The following SLC13A1 variants were observed in gnomAD, a reference collection of about 807,000 sequenced individuals.
SLC13A1 encodes the protein solute carrier family 13 member 1.
A neutral mutation model predicts 70.0 loss-of-function variants in SLC13A1; 65 were observed. The observed-to-expected ratio is 0.93, with a 90% CI of 0.76 to 1.14. The LOEUF is 1.14. SLC13A1 is among the 50% of genes most tolerant of loss of function. The probability of loss-of-function intolerance (pLI) is 0.00; values close to 1 mark genes in which losing one functional copy is unlikely to be tolerated. For synonymous variants in SLC13A1, 275 were observed against 250.5 expected (o/e 1.10, Z -0.92); for missense variants, 726 against 717.8 (o/e 1.01, Z -0.13).
chr7:123,182,757 C>A (rs929508675), intron 1 of SLC13A1, among the ~76,000 whole-genome samples: 3 of 152,084 alleles, frequency 2.0e-5, no homozygotes, highest in Admixed American at 6.6e-5. Flanking sequence ...GATGGCACAA[C>A]TTTGGTGACA....
intron 7 of SLC13A1, among the ~76,000 whole-genome samples, chr7:123,136,452 T>G (rs1793951259): frequency 6.6e-6 from 1 of 152,182 alleles, no homozygotes; most frequent in Non-Finnish European, 1.5e-5. Flanking sequence ...CATTTTCTTT[T>G]GCTGTGATGT....
intron 11 of SLC13A1, among the ~76,000 whole-genome samples, chr7:123,124,936 C>T (rs957001115): frequency 1.3e-5 from 2 of 151,980 alleles, no homozygotes; most frequent in African/African-American, 4.8e-5. Flanking sequence ...TTGGCCACCA[C>T]ACCTGGCTAA....
intron 4 of SLC13A1, 131 bp from the exon 5 acceptor site, chr7:123,168,692 A>G: frequency 1.6e-6 from 1 of 640,840 alleles, no homozygotes. Flanking sequence ...CTAACATAAC[A>G]GTCATCTTAT....
At chr7:123,142,431 C>T (rs980394416) in intron 7 of SLC13A1, among the ~76,000 whole-genome samples, 1 of 152,170 alleles carries the variant, frequency 6.6e-6, no homozygotes, top group African/African-American at 2.4e-5. Flanking sequence ...TGGTGCTCTA[C>T]ACCGCTGTGG....
rs146254276 is a variant in SLC13A1, at chr7:123,184,528, C to T, written c.100-3427G>A. ...ATGCTATTTGTCTTCCTGTCCCTGG[C>T]TTATTTCATTTAACATATATCCTTC... On this transcript the variant is annotated intron_variant, in intron 1 of 14. Coordinates refer to ENST00000194130, the MANE Select transcript of SLC13A1 (RefSeq NM_022444.4). Among the ~76,000 whole-genome samples, 139 of 152,146 alleles carry T rather than the reference C, an allele frequency of 9.1e-4. 2 individuals carry two copies. The East Asian group carries it at 0.019, about 21-fold the overall frequency.
intron 7 of SLC13A1, among the ~76,000 whole-genome samples, chr7:123,137,727 A>G (rs1357046312): frequency 1.6e-4 from 25 of 152,122 alleles, no homozygotes; most frequent in Admixed American, 1.6e-3. Flanking sequence ...CTGAGCAGGA[A>G]CCCAGCTAAC....
intron 6 of SLC13A1, among the ~76,000 whole-genome samples, chr7:123,163,204 C>A (rs936113728): frequency 4.6e-5 from 7 of 152,084 alleles, no homozygotes; most frequent in African/African-American, 1.7e-4. Flanking sequence ...TGGAACCTGA[C>A]AAATATATTT....
At chr7:123,189,256 C>T (rs1340153784) in intron 1 of SLC13A1, among the ~76,000 whole-genome samples, 1 of 150,950 alleles carries the variant, frequency 6.6e-6, no homozygotes, top group Admixed American at 6.6e-5. Context: ...AATGAATAGC[C>T]AAAGTGCCAT....
chr7:123,195,834 T>A (rs1796160289), intron 1 of SLC13A1, among the ~76,000 whole-genome samples: 1 of 152,036 alleles, frequency 6.6e-6, no homozygotes, highest in Non-Finnish European at 1.5e-5. Context: ...TGTTTCCTTG[T>A]CTCCTGATCT....
At chr7:123,134,146 G>A (rs537470802) in intron 8 of SLC13A1, among the ~76,000 whole-genome samples, 2 of 152,034 alleles carry the variant, frequency 1.3e-5, no homozygotes, top group East Asian at 3.9e-4. Flanking sequence ...TCCCACCTTG[G>A]CCTTTCAAAG....
intron 7 of SLC13A1, among the ~76,000 whole-genome samples, chr7:123,145,413 T>C (rs747098375): frequency 3.3e-5 from 5 of 152,320 alleles, no homozygotes; most frequent in South Asian, 2.1e-4. Flanking sequence ...CTGTATCAAC[T>C]AATTTCATGT....
chr7:123,199,353 CT>C (rs1796280181), intron 1 of SLC13A1, among the ~76,000 whole-genome samples: 1 of 152,068 alleles, frequency 6.6e-6, no homozygotes, highest in South Asian at 2.1e-4. Flanking sequence ...CTTTCAATGT[CT>C]TCTTTTCCTA....
chr7:123,130,759 T>C (rs1793729477), intron 8 of SLC13A1, among the ~76,000 whole-genome samples: 2 of 152,120 alleles, frequency 1.3e-5, no homozygotes, highest in Admixed American at 1.3e-4. Flanking sequence ...TACATTTTTT[T>C]CTTTAAGTTT....
At chr7:123,182,990 T>C (rs1214230652) in intron 1 of SLC13A1, among the ~76,000 whole-genome samples, 4 of 152,130 alleles carry the variant, frequency 2.6e-5, no homozygotes, top group Non-Finnish European at 5.9e-5. Flanking sequence ...ATCCAAAGAA[T>C]CTTCTTTACA....
intron 2 of SLC13A1, among the ~76,000 whole-genome samples, chr7:123,173,619 T>C (rs921243781): frequency 2.0e-5 from 3 of 152,158 alleles, no homozygotes; most frequent in Admixed American, 6.6e-5. Flanking sequence ...TTTCGTAGTA[T>C]ATACATTACG....
At chr7:123,119,308 C>A in intron 12 of SLC13A1, 66 bp from the exon 13 acceptor site, 1 of 1,076,352 alleles carries the variant, frequency 9.3e-7, no homozygotes, top group Non-Finnish European at 1.3e-6. Context: ...ACAATAAAAT[C>A]CATAAAAAAA....
At chr7:123,180,276 G>A (rs758882343) in intron 2 of SLC13A1, among the ~76,000 whole-genome samples, 1 of 152,138 alleles carries the variant, frequency 6.6e-6, no homozygotes, top group Non-Finnish European at 1.5e-5. Flanking sequence ...CCTCAAGAGA[G>A]CAATGTTAGA....
chr7:123,129,348 G>C lies in SLC13A1; in HGVS notation c.1031+35C>G, dbSNP rs773447365. 2.3e-5 allele frequency: 24 copies of C among 1,022,540 alleles called. 1 individual carries two copies. Among genetic ancestry groups the C allele is most frequent in the East Asian group, 7.4e-5 (3 of 40,678 alleles). The allele number at this position is 1,022,540 out of a possible 1,614,324, so 63.3% of individuals were successfully genotyped here. A position where few individuals can be genotyped will look rare whatever the true frequency, so the allele number is the denominator to read the frequency against. On this transcript the variant is annotated intron_variant, in intron 9 of 14. Transcript: ENST00000194130. ...TCTGTGTGTGTGTGTGTGTGTGTGTGTGTGTGTGTGTGTGTGTGTGTGTGT... is the reference window on the plus strand; with the variant it reads ...TCTGTGTGTGTGTGTGTGTGTGTGTCTGTGTGTGTGTGTGTGTGTGTGTGT...
At chr7:123,141,440 C>A (rs1402345177) in intron 7 of SLC13A1, among the ~76,000 whole-genome samples, 1 of 152,128 alleles carries the variant, frequency 6.6e-6, no homozygotes, top group Non-Finnish European at 1.5e-5. Flanking sequence ...GCCTGTAGTA[C>A]AGATTAAGTC....
Sources: gnomAD v4.1 joint callset for allele counts (sites outside exome capture counted in the v4.1 genomes callset) on GRCh38, gnomAD v4.1.1 for gene constraint, MANE v1.5 for transcripts, NCBI Gene and HGNC (gene_info 2026-07-23, HGNC 2026-07-21) for gene names.